The following SLC26A2 variants were observed in gnomAD, a reference collection of about 807,000 sequenced individuals.
SLC26A2 encodes sulfate transporter.
SLC26A2 carries 36 observed loss-of-function variants against 41.1 expected under a neutral mutation model. That is an observed-to-expected ratio of 0.88 (90% CI 0.67 to 1.16). The LOEUF (loss-of-function observed/expected upper bound fraction) is 1.16, where lower values mean the gene tolerates loss of function less well. SLC26A2 is among the 50% of genes most tolerant of loss of function. SLC26A2 has a pLI of 0.00. For missense variants in SLC26A2, 796 were observed against 869.6 expected (o/e 0.92, Z 1.07); for synonymous variants, 291 against 311.6 (o/e 0.93, Z 0.70).
chr5:149,961,682 A>G (rs1040883334), intron 1 of SLC26A2, among the ~76,000 whole-genome samples: 1 of 152,212 alleles, frequency 6.6e-6, no homozygotes, highest in Admixed American at 6.6e-5. Flanking sequence ...TCCGGCGCCC[A>G]TTCTAGTTAA....
Position 149,982,006 on chromosome 5 carries a change from A to G in SLC26A2, c.*193A>G. The G allele has an allele frequency of 1.7e-6, 1 of 586,556 alleles. No individual in the cohort carries two copies. Among genetic ancestry groups the G allele is most frequent in the Non-Finnish European group, 3.0e-6 (1 of 333,074 alleles). 36.3% of individuals were successfully genotyped at this position (586,556 alleles called of 1,614,324 possible). On this transcript the variant is annotated 3_prime_UTR_variant, in exon 3 of 3. Transcript: ENST00000286298. ...AGCTTGTAGCTGGACAGAGTCAAAA[A>G]GAAGAAAATACGGTTTCAGGCTTTC...
chr5:149,978,735 T>C (rs1755041595), intron 2 of SLC26A2, among the ~76,000 whole-genome samples: 1 of 151,924 alleles, frequency 6.6e-6, no homozygotes, highest in Non-Finnish European at 1.5e-5. Flanking sequence ...TCTGTCACGC[T>C]GGAGTGCAGT....
At chr5:149,972,474 G>A (rs1160631231) in intron 1 of SLC26A2, among the ~76,000 whole-genome samples, 2 of 152,182 alleles carry the variant, frequency 1.3e-5, no homozygotes, top group African/African-American at 4.8e-5. Flanking sequence ...AATGTGTAGA[G>A]TAGCTGAATT....
At position 149,978,252 on chromosome 5, in the gene SLC26A2, G is replaced by A. The variant is rs1301316751; in HGVS notation, c.600G>A (p.Gly200=). 6 of 1,614,000 alleles carry A rather than the reference G, an allele frequency of 3.7e-6. No individual in the cohort carries two copies. The highest frequency in any genetic ancestry group is 4.2e-6 in the Non-Finnish European group (5 of 1,179,960). The change falls in exon 2 of 3, where the codon GGG becomes GGA. Residue 200 remains glycine (G), a synonymous_variant. Coordinates refer to ENST00000286298, the MANE Select transcript of SLC26A2 (RefSeq NM_000112.4). ...CTTCCTTAGGAATGGTTTCAAATGG[G>A]AGCACATTATTAAATCATACATCAG... ...SAPSLGMVSN[G]STLLNHTSDR...
intron 2 of SLC26A2, among the ~76,000 whole-genome samples, chr5:149,979,358 G>C (rs1055285175): frequency 4.6e-5 from 7 of 152,124 alleles, no homozygotes; most frequent in African/African-American, 1.7e-4. Context: ...AGTGAAGATG[G>C]TGTGAAGATG....
rs1275107430 is a variant in SLC26A2 at position 149,981,028 on chromosome 5, C to T, written c.1435C>T (p.Gln479Ter). The T allele has an allele frequency of 6.2e-7, 1 of 1,614,110 alleles. No homozygotes were observed. The highest frequency in any genetic ancestry group is 8.5e-7 in the Non-Finnish European group (1 of 1,180,014). ...AATAGCTCCTTTGTTCTATTCCCTT[C>T]AAAAAAGTGTCCTTGGTGTGATCAC... Reference protein sequence around the residue: ...LVIAPLFYSLQKSVLGVITIV... With the variant: ...LVIAPLFYSL The change falls in exon 3 of 3, where the codon CAA becomes TAA. Residue 479 changes from glutamine to a stop codon, truncating the protein, a stop_gained. Transcript: ENST00000286298. LOFTEE classifies it high-confidence loss of function.
intron 1 of SLC26A2, among the ~76,000 whole-genome samples, chr5:149,961,268 G>T (rs965988578): frequency 2.0e-5 from 3 of 152,120 alleles, no homozygotes; most frequent in Non-Finnish European, 4.4e-5. Context: ...CACGCACTCC[G>T]CTGCTTTTCC....
At chr5:149,978,920 G>A (rs557961808) in intron 2 of SLC26A2, among the ~76,000 whole-genome samples, 7 of 150,924 alleles carry the variant, frequency 4.6e-5, no homozygotes, top group Non-Finnish European at 1.0e-4. Context: ...GTTTTGCCAC[G>A]TTGCCCAGGC....
chr5:149,978,476 A>C, intron 2 of SLC26A2, 125 bp downstream of exon 2: 1 of 934,504 alleles, frequency 1.1e-6, no homozygotes, highest in Non-Finnish European at 1.7e-6. Flanking sequence ...TTCAGGATAT[A>C]TGAAGGGTAG....
rs1350029034 is a variant in SLC26A2, at chr5:149,978,253, A to G, written c.601A>G (p.Ser201Gly). 4 of 1,614,006 alleles carry G rather than the reference A, an allele frequency of 2.5e-6. No individual in the cohort carries two copies. The Admixed American group carries it at 6.7e-5, about 27-fold the overall frequency. The part of the protein sequence containing the change: ...APSLGMVSNG[S>G]TLLNHTSDRI... ...TTCCTTAGGAATGGTTTCAAATGGG[A>G]GCACATTATTAAATCATACATCAGA... The change falls in exon 2 of 3, where the codon AGC becomes GGC. Residue 201 changes from serine to glycine, a missense_variant. Ser to Gly is a moderately conservative substitution (Grantham distance 56). Coordinates refer to ENST00000286298, the MANE Select transcript of SLC26A2 (RefSeq NM_000112.4).
In SLC26A2 at chr5:149,983,017, A is replaced by T. The variant is rs1203452728; in HGVS notation, c.*1204A>T. The stretch of plus-strand genomic sequence containing the variant: ...TAGGGAACTAATTTATGAAACAGCC[A>T]TCTTAAAAAAAAAAAAAGTAAACTG... On this transcript the variant is annotated 3_prime_UTR_variant, in exon 3 of 3. Coordinates refer to ENST00000286298, the MANE Select transcript of SLC26A2 (RefSeq NM_000112.4). The T allele has an allele frequency of 6.6e-6, 1 of 151,858 alleles. No individual in the cohort carries two copies. The highest frequency in any genetic ancestry group is 1.5e-5 in the Non-Finnish European group (1 of 67,960). The allele number at this position is 151,858 out of a possible 1,614,324, so 9.4% of individuals were successfully genotyped here.
Position 149,983,128 on chromosome 5 carries a change from A to C in SLC26A2, c.*1315A>C, listed in dbSNP as rs1232322929. 1.3e-5 allele frequency: 2 copies of C among 152,026 alleles called. No homozygotes were observed. Among genetic ancestry groups the C allele is most frequent in the Non-Finnish European group, 2.9e-5 (2 of 68,010 alleles). 9.4% of individuals were successfully genotyped at this position (152,026 alleles called of 1,614,324 possible). ...GAGAAGCAAACCCTATGTGTAGGGC[A>C]TCTGTTGGAGTGGGATGCTTTTAGA... On this transcript the variant is annotated 3_prime_UTR_variant, in exon 3 of 3. Transcript: ENST00000286298.
At chr5:149,977,415 T>C (rs1419036314) in intron 1 of SLC26A2, among the ~76,000 whole-genome samples, 6 of 152,212 alleles carry the variant, frequency 3.9e-5, no homozygotes, top group Admixed American at 2.0e-4. Flanking sequence ...CAGCCAGTTA[T>C]TTGCTTTGAC....
chr5:149,982,883 TGAG>T lies in SLC26A2; in HGVS notation c.*1076_*1078del, dbSNP rs1439361049. 2.0e-5 allele frequency: 3 copies of T among 152,194 alleles called. No individual in the cohort carries two copies. Among genetic ancestry groups the T allele is most frequent in the Non-Finnish European group, 4.4e-5 (3 of 68,036 alleles). The allele number at this position is 152,194 out of a possible 1,614,324, so 9.4% of individuals were successfully genotyped here. A position where few individuals can be genotyped will look rare whatever the true frequency, so the allele number is the denominator to read the frequency against. ...GATAGCTGGCCCACAGGTCATGAAT[TGAG>T]GAGGAATTTGCTTTCAAAAAGCAAG... is the stretch of plus-strand genomic sequence containing the variant. On this transcript the variant is annotated 3_prime_UTR_variant, in exon 3 of 3. Coordinates refer to ENST00000286298, the MANE Select transcript of SLC26A2 (RefSeq NM_000112.4).
chr5:149,980,605 G>A lies in SLC26A2; in HGVS notation c.1012G>A (p.Val338Ile). The change falls in exon 3 of 3, where the codon GTT (valine) becomes ATT (isoleucine). Residue 338 changes from valine (V) to isoleucine (I), a missense_variant. Coordinates refer to ENST00000286298, the MANE Select transcript of SLC26A2 (RefSeq NM_000112.4). The part of the protein sequence containing the change: ...KLKAPIPIEL[V>I]VVVAATLASH... ...TAAGGCACCGATTCCTATTGAACTT[G>A]TTGTTGTTGTAGCAGCCACATTAGC... The A allele has an allele frequency of 6.2e-7, 1 of 1,613,412 alleles. No homozygotes were observed. The highest frequency in any genetic ancestry group is 8.5e-7 in the Non-Finnish European group (1 of 1,179,498).
Position 149,980,953 on chromosome 5 carries a change from C to A in SLC26A2, c.1360C>A (p.Gln454Lys). Residue 454 changes from glutamine (Q) to lysine (K), a missense_variant, in exon 3 of 3, where the codon CAG (glutamine) becomes AAG (lysine). Transcript: ENST00000286298. ...LVKESTGCHT[Q>K]LSGVVTALVL... Reference sequence around the variant, plus strand: ...TAAAGAATCAACAGGCTGCCATACTCAGCTTTCTGGTGTGGTAACAGCCCT... The same window carrying A: ...TAAAGAATCAACAGGCTGCCATACTAAGCTTTCTGGTGTGGTAACAGCCCT... The A allele has an allele frequency of 6.2e-7, 1 of 1,614,172 alleles. No individual in the cohort carries two copies. Among genetic ancestry groups the A allele is most frequent in the Non-Finnish European group, 8.5e-7 (1 of 1,180,022 alleles).
rs774319175 is a variant in SLC26A2 at position 149,981,103 on chromosome 5, A to G, written c.1510A>G (p.Met504Val). 6.2e-7 allele frequency: 1 copy of G among 1,614,170 alleles called. No homozygotes were observed. The highest frequency in any genetic ancestry group is 1.1e-5 in the South Asian group (1 of 91,084). ...TCGTAAATTTAGGGATCTTCCCAAA[A>G]TGTGGAGTATTAGTAGAATGGATAC... is the stretch of plus-strand genomic sequence containing the variant. ...ALRKFRDLPK[M>V]WSISRMDTVI... The change falls in exon 3 of 3, where the codon ATG becomes GTG. Residue 504 changes from methionine (M) to valine (V), a missense_variant. Coordinates refer to ENST00000286298, the MANE Select transcript of SLC26A2 (RefSeq NM_000112.4).
chr5:149,973,984 A>C (rs1295730124), intron 1 of SLC26A2, among the ~76,000 whole-genome samples: 1 of 151,930 alleles, frequency 6.6e-6, no homozygotes, highest in Non-Finnish European at 1.5e-5. Flanking sequence ...TTGTCTCTAC[A>C]AAAAAAATTA....
chr5:149,963,711 G>A (rs1383864286), intron 1 of SLC26A2, among the ~76,000 whole-genome samples: 1 of 149,044 alleles, frequency 6.7e-6, no homozygotes, highest in African/African-American at 2.5e-5. Context: ...CCCTGCACCC[G>A]GCCTGCTATT....
Sources: allele counts gnomAD v4.1 joint callset (sites outside exome capture counted in the v4.1 genomes callset), GRCh38; gene constraint gnomAD v4.1.1; transcripts MANE v1.5; gene names NCBI Gene and HGNC (gene_info 2026-07-23, HGNC 2026-07-21).